DOK6: variants seen among roughly 807,000 people sequenced by gnomAD.
DOK6 encodes the protein docking protein 6.
Under a neutral mutation model 44.0 loss-of-function variants are expected in DOK6, and 22 were observed. The observed-to-expected ratio is 0.50, with a 90% CI of 0.36 to 0.71. The LOEUF is 0.71. Ranked by LOEUF, DOK6 falls within the 30% of genes least tolerant of loss-of-function variation. DOK6 has a pLI of 0.00. For missense variants in DOK6, 340 were observed against 416.4 expected, an observed-to-expected ratio of 0.82 and a Z score of 1.60; for synonymous variants, 166 against 145.5, an observed-to-expected ratio of 1.14 and a Z score of -1.01.
chr18:69,665,095 C>A (rs144955990), intron 3 of DOK6, among the ~76,000 whole-genome samples: 1 of 151,958 alleles, frequency 6.6e-6, no homozygotes, highest in African/African-American at 2.4e-5. Context: ...ACAGAAGAAT[C>A]GCTTGAACAC....
At chr18:69,712,434 AC>A (rs1287047260) in intron 5 of DOK6, among the ~76,000 whole-genome samples, 3 of 152,094 alleles carry the variant, frequency 2.0e-5, no homozygotes, top group African/African-American at 7.2e-5. Context: ...GGTGCAATTT[AC>A]AACTCAGAAT....
At chr18:69,613,925 AATATATTT>A (rs1984222425) in intron 3 of DOK6, among the ~76,000 whole-genome samples, 1 of 149,006 alleles carries the variant, frequency 6.7e-6, no homozygotes, top group African/African-American at 2.5e-5. Flanking sequence ...CCCAGATCTC[AATATATTT>A]ATATATTTAT....
intron 7 of DOK6, among the ~76,000 whole-genome samples, chr18:69,765,604 C>T (rs1410059518): frequency 6.6e-6 from 1 of 152,162 alleles, no homozygotes; most frequent in Non-Finnish European, 1.5e-5. Context: ...TATTTACAAA[C>T]CTGCTTATTC....
intron 1 of DOK6, among the ~76,000 whole-genome samples, chr18:69,412,388 A>G (rs747718350): frequency 1.3e-5 from 2 of 152,112 alleles, no homozygotes; most frequent in Non-Finnish European, 2.9e-5. Flanking sequence ...ATGACAGTGA[A>G]GAAAAATAAT....
intron 7 of DOK6, among the ~76,000 whole-genome samples, chr18:69,836,112 T>C (rs964547837): frequency 2.0e-5 from 3 of 152,244 alleles, no homozygotes; most frequent in Non-Finnish European, 4.4e-5. Flanking sequence ...GTCTCCATTT[T>C]TTCTTCCATT....
intron 6 of DOK6, among the ~76,000 whole-genome samples, chr18:69,742,722 A>G (rs1445482262): frequency 6.6e-6 from 1 of 152,232 alleles, no homozygotes; most frequent in Non-Finnish European, 1.5e-5. Context: ...AGTAGCCCAG[A>G]ATTGTGTGGG....
chr18:69,523,523 C>T lies in DOK6; in HGVS notation c.67-40964C>T, dbSNP rs970675720. On this transcript the variant is annotated intron_variant, in intron 1 of 7. Coordinates refer to ENST00000382713, the MANE Select transcript of DOK6 (RefSeq NM_152721.6). ...AAACCAATTTAATGTAAGATACATA[C>T]AGGAAATCATCTATTGGATTTATCC... 2.0e-5 allele frequency among the ~76,000 whole-genome samples: 3 copies of T among 152,086 alleles called. 1 individual carries two copies. In the South Asian group the frequency reaches 6.2e-4, roughly 32 times the overall value.
intron 1 of DOK6, among the ~76,000 whole-genome samples, chr18:69,419,906 T>C (rs930756177): frequency 6.6e-6 from 1 of 152,174 alleles, no homozygotes; most frequent in Non-Finnish European, 1.5e-5. Context: ...AGAGGCACTT[T>C]GTAATATCCA....
intron 7 of DOK6, among the ~76,000 whole-genome samples, chr18:69,765,145 A>G (rs1239359109): frequency 6.6e-6 from 1 of 152,182 alleles, no homozygotes; most frequent in South Asian, 2.1e-4. Context: ...GTCCTTCTCT[A>G]CTGTCCAAAC....
At chr18:69,759,750 C>G (rs1979481678) in intron 7 of DOK6, among the ~76,000 whole-genome samples, 1 of 152,164 alleles carries the variant, frequency 6.6e-6, no homozygotes, top group Admixed American at 6.5e-5. Context: ...TTGAAATACT[C>G]TCACTGATGT....
At position 69,557,984 on chromosome 18, in the gene DOK6, CA is replaced by C. The variant is rs559752009; in HGVS notation, c.67-6502del. On this transcript the variant is annotated intron_variant, in intron 1 of 7. Transcript: ENST00000382713. ...AGGTCATTAATTTATGTCCCATTCTCATGGGAGGCAAATAAAAATAAGGTAC... is the reference window on the plus strand; with the variant it reads ...AGGTCATTAATTTATGTCCCATTCTCTGGGAGGCAAATAAAAATAAGGTAC... 6.6e-5 allele frequency among the ~76,000 whole-genome samples: 10 copies of C among 152,272 alleles called. 1 individual carries two copies. In the South Asian group the frequency reaches 2.1e-3, roughly 32 times the overall value.
intron 1 of DOK6, among the ~76,000 whole-genome samples, chr18:69,408,258 C>T (rs181151195): frequency 6.6e-6 from 1 of 152,250 alleles, no homozygotes; most frequent in Non-Finnish European, 1.5e-5. Flanking sequence ...TGGTTTAAAG[C>T]TGATACAATC....
chr18:69,607,842 A>G (rs1984038935), intron 3 of DOK6, among the ~76,000 whole-genome samples: 1 of 152,218 alleles, frequency 6.6e-6, no homozygotes, highest in Admixed American at 6.5e-5. Flanking sequence ...AAGGATTCAC[A>G]AGCAGAGTCA....
At chr18:69,614,544 TTG>T (rs34596745) in intron 3 of DOK6, among the ~76,000 whole-genome samples, 93,277 of 149,006 alleles carry the variant, frequency 0.63, 29,257 homozygotes, top group East Asian at 0.73. Context: ...TATTTTTTCT[TTG>T]TGTGTGTGTG....
chr18:69,605,237 C>T (rs73457909), intron 3 of DOK6, among the ~76,000 whole-genome samples: 3,156 of 151,952 alleles, frequency 0.021, 125 homozygotes, highest in African/African-American at 0.071. Context: ...TTACTGAAAC[C>T]TTTCTATAAG....
intron 1 of DOK6, among the ~76,000 whole-genome samples, chr18:69,474,676 T>G (rs1980212655): frequency 6.6e-6 from 1 of 152,198 alleles, no homozygotes; most frequent in African/African-American, 2.4e-5. Flanking sequence ...TGCCAGTGCC[T>G]TCTTTGGCAA....
At chr18:69,542,308 G>A (rs898045703) in intron 1 of DOK6, among the ~76,000 whole-genome samples, 3 of 151,412 alleles carry the variant, frequency 2.0e-5, no homozygotes, top group Non-Finnish European at 4.4e-5. Context: ...CAGGAATAAT[G>A]ATATTGCCTG....
intron 1 of DOK6, among the ~76,000 whole-genome samples, chr18:69,451,253 G>A (rs355986): frequency 0.043 from 5,891 of 136,700 alleles, 129 homozygotes; most frequent in Middle Eastern, 0.093. Context: ...AAAGGCAGGG[G>A]TTGCAATCCT....
intron 2 of DOK6, among the ~76,000 whole-genome samples, chr18:69,595,808 T>G (rs966224122): frequency 6.6e-6 from 1 of 152,114 alleles, no homozygotes; most frequent in Non-Finnish European, 1.5e-5. Context: ...CATGCGTAGT[T>G]TTTTCACTAT....
Sources: allele counts gnomAD v4.1 joint callset (sites outside exome capture counted in the v4.1 genomes callset), GRCh38; gene constraint gnomAD v4.1.1; transcripts MANE v1.5; gene names NCBI Gene and HGNC (gene_info 2026-07-23, HGNC 2026-07-21).